Variants in CYP4X1 observed in about 807,000 individuals in gnomAD.
The protein encoded by CYP4X1 is cytochrome P450 4X1.
In CYP4X1, 44 loss-of-function variants were observed where a neutral mutation model predicts 57.9. That is an observed-to-expected ratio of 0.76 (90% CI 0.60 to 0.98). The LOEUF is 0.98. Ranked by LOEUF, CYP4X1 falls within the 50% of genes least tolerant of loss-of-function variation. The probability of loss-of-function intolerance (pLI) is 0.00; values close to 1 mark genes in which losing one functional copy is unlikely to be tolerated. For synonymous variants in CYP4X1, 227 were observed against 228.6 expected (o/e 0.99, Z 0.06); for missense variants, 532 against 623.9 (o/e 0.85, Z 1.57).
the CYP4X1 span, among the ~76,000 whole-genome samples, chr1:46,998,626 T>C: frequency 6.6e-6 from 1 of 152,190 alleles, no homozygotes; most frequent in African/African-American, 2.4e-5. Context: ...TGCATTTGCT[T>C]ATGAGATCTT....
intron 8 of CYP4X1, among the ~76,000 whole-genome samples, chr1:47,045,211 A>C (rs1347829849): frequency 6.6e-6 from 1 of 152,230 alleles, no homozygotes. Context: ...GCCTGCATTC[A>C]AAATAAGTAA....
the CYP4X1 span, among the ~76,000 whole-genome samples, chr1:47,012,410 G>T: frequency 2.0e-5 from 3 of 152,302 alleles, no homozygotes; most frequent in East Asian, 5.8e-4. Context: ...GCCTGTCATG[G>T]GGTGAGGGGA....
chr1:47,012,284 T>C, the CYP4X1 span, among the ~76,000 whole-genome samples: 2 of 152,134 alleles, frequency 1.3e-5, no homozygotes, highest in South Asian at 2.1e-4. Flanking sequence ...TGGAAACCAG[T>C]ATTCTCAGCA....
chr1:47,035,274 G>A (rs1315496380), intron 4 of CYP4X1, among the ~76,000 whole-genome samples: 1 of 152,108 alleles, frequency 6.6e-6, no homozygotes, highest in Non-Finnish European at 1.5e-5. Context: ...GGGAAGTTAA[G>A]CCAGGTCAGG....
chr1:47,049,943 A>T, intron 11 of CYP4X1, 57 bp from the exon 12 acceptor site: 1 of 1,528,836 alleles, frequency 6.5e-7, no homozygotes, highest in Non-Finnish European at 9.0e-7. Flanking sequence ...GTATTTTACT[A>T]TAGTCAGAAG....
the CYP4X1 span, among the ~76,000 whole-genome samples, chr1:46,968,444 C>T: frequency 2.6e-5 from 4 of 152,134 alleles, no homozygotes; most frequent in African/African-American, 4.8e-5. Flanking sequence ...TGTTGCCTCG[C>T]CCACCTCTTA....
intron 1 of CYP4X1, among the ~76,000 whole-genome samples, chr1:47,029,512 C>G (rs532511862): frequency 6.6e-6 from 1 of 152,180 alleles, no homozygotes; most frequent in South Asian, 2.1e-4. Flanking sequence ...GCATTTACTG[C>G]TAAGTCATGA....
In CYP4X1 at chr1:47,049,422, G is replaced by GT; in HGVS notation, c.1274dup (p.Phe426LeufsTer2). On this transcript the variant is annotated frameshift_variant and splice_region_variant, in exon 11 of 12. Coordinates refer to ENST00000371901, the MANE Select transcript of CYP4X1 (RefSeq NM_178033.2). LOFTEE classifies it high-confidence loss of function. The stretch of plus-strand genomic sequence containing the variant: ...TGTTGGGGTTGTCCTCTCATTTCAG[G>GT]TCTTTGACCCCTTGAGGTTCTCTCA... 1.9e-6 allele frequency: 3 copies of GT among 1,613,884 alleles called. No homozygotes were observed. Among genetic ancestry groups the GT allele is most frequent in the Non-Finnish European group, 2.5e-6 (3 of 1,179,846 alleles).
intron 9 of CYP4X1, among the ~76,000 whole-genome samples, chr1:47,047,609 G>A (rs1034023273): frequency 5.3e-5 from 8 of 152,068 alleles, no homozygotes; most frequent in Non-Finnish European, 7.4e-5. Flanking sequence ...GTGTGTGTGC[G>A]TTTTCCTCTC....
the CYP4X1 span, among the ~76,000 whole-genome samples, chr1:46,964,096 A>T: frequency 2.0e-5 from 3 of 152,208 alleles, no homozygotes; most frequent in Non-Finnish European, 4.4e-5. Context: ...CAGCTCCATC[A>T]GGTCCTTTAA....
chr1:47,001,519 C>T, the CYP4X1 span, among the ~76,000 whole-genome samples: 8 of 152,026 alleles, frequency 5.3e-5, no homozygotes, highest in Non-Finnish European at 8.8e-5. Flanking sequence ...GTATGGGCAG[C>T]GGAGTCAGAA....
chr1:46,980,723 C>G, the CYP4X1 span, among the ~76,000 whole-genome samples: 3 of 152,160 alleles, frequency 2.0e-5, no homozygotes, highest in Non-Finnish European at 4.4e-5. Flanking sequence ...TACCTGACTT[C>G]AAACTATACT....
rs751651489 is a variant in CYP4X1 at position 47,038,720 on chromosome 1, C to T, written c.836C>T (p.Pro279Leu). ...GCTGGGGTAAAGCAGGATAACACTC[C>T]GAAGAGGAAGTACCAGGATTTTCTG... ...LQAGVKQDNT[P>L]KRKYQDFLDI... Residue 279 changes from proline to leucine, a missense_variant, in exon 7 of 12, where the codon CCG becomes CTG. Coordinates refer to ENST00000371901, the MANE Select transcript of CYP4X1 (RefSeq NM_178033.2). 114 of 1,610,916 alleles carry T rather than the reference C, an allele frequency of 7.1e-5. 1 individual carries two copies. In the Admixed American group the frequency reaches 1.5e-3, roughly 21 times the overall value.
the CYP4X1 span, among the ~76,000 whole-genome samples, chr1:46,999,754 T>C: frequency 2.1e-5 from 2 of 93,184 alleles, no homozygotes; most frequent in East Asian, 5.1e-4. Flanking sequence ...TAACTCTTTT[T>C]CTTTTTTTTT....
chr1:47,027,768 C>T (rs781236373), intron 1 of CYP4X1, among the ~76,000 whole-genome samples: 4 of 152,154 alleles, frequency 2.6e-5, no homozygotes, highest in African/African-American at 4.8e-5. Flanking sequence ...ATATTGCTCT[C>T]CCTGCAAATT....
At chr1:47,011,889 C>A in the CYP4X1 span, among the ~76,000 whole-genome samples, 2 of 152,172 alleles carry the variant, frequency 1.3e-5, no homozygotes, top group Non-Finnish European at 2.9e-5. Context: ...GAATGGCGAT[C>A]ATTAAAAAGT....
the CYP4X1 span, chr1:46,961,800 TTGGTGCTGGATGACCTCTGCCC>T: frequency 3.1e-6 from 4 of 1,288,642 alleles, no homozygotes. Flanking sequence ...CCCCAGACCC[TTGGTGCTGGATGACCTCTGCCC>T]TGCCCTACTT....
chr1:47,007,666 T>C, the CYP4X1 span, among the ~76,000 whole-genome samples: 1 of 151,754 alleles, frequency 6.6e-6, no homozygotes, highest in South Asian at 2.1e-4. Context: ...GGCAAAGAAG[T>C]TAAAAACCTT....
At chr1:46,982,663 C>A in the CYP4X1 span, among the ~76,000 whole-genome samples, 1 of 152,164 alleles carries the variant, frequency 6.6e-6, no homozygotes, top group African/African-American at 2.4e-5. Flanking sequence ...GTTAGGGCTG[C>A]GTTCCAGTAA....
Sources: gnomAD v4.1 joint callset for allele counts (sites outside exome capture counted in the v4.1 genomes callset) on GRCh38, gnomAD v4.1.1 for gene constraint, MANE v1.5 for transcripts, NCBI Gene and HGNC (gene_info 2026-07-23, HGNC 2026-07-21) for gene names.